Variants in SORBS2 observed in about 807,000 individuals in gnomAD.
The protein encoded by SORBS2 is sorbin and SH3 domain-containing protein 2.
A neutral mutation model predicts 97.7 loss-of-function variants in SORBS2; 46 were observed. That is an observed-to-expected ratio of 0.47 (90% confidence interval 0.37 to 0.60). The LOEUF (loss-of-function observed/expected upper bound fraction) is 0.60. SORBS2 is among the 20% of genes least tolerant of loss of function. The probability of loss-of-function intolerance (pLI) is 0.00; values close to 1 mark genes in which losing one functional copy is unlikely to be tolerated. For missense variants in SORBS2, 1,316 were observed against 1,282.3 expected (o/e 1.03, Z -0.40); for synonymous variants, 476 against 473.4 (o/e 1.01, Z -0.07).
intron 2 of SORBS2, among the ~76,000 whole-genome samples, chr4:185,697,374 C>G (rs943963445): frequency 6.6e-6 from 1 of 152,178 alleles, no homozygotes; most frequent in Non-Finnish European, 1.5e-5. Flanking sequence ...TTGTCCCACA[C>G]CCAGCTTAGC....
chr4:185,933,999 CAA>C (rs2099267703), intron 1 of SORBS2, among the ~76,000 whole-genome samples: 2 of 152,144 alleles, frequency 1.3e-5, no homozygotes, highest in South Asian at 4.1e-4. Flanking sequence ...TGTTCTCAAT[CAA>C]AAGTCTTTCC....
At chr4:185,782,228 G>C (rs1056682475) in intron 1 of SORBS2, among the ~76,000 whole-genome samples, 1 of 152,232 alleles carries the variant, frequency 6.6e-6, no homozygotes, top group African/African-American at 2.4e-5. Context: ...TTAAGCAGCT[G>C]TTTCCAACCA....
chr4:185,639,553 C>T (rs1212834626), intron 4 of SORBS2, among the ~76,000 whole-genome samples: 1 of 152,140 alleles, frequency 6.6e-6, no homozygotes, highest in Non-Finnish European at 1.5e-5. Flanking sequence ...TCAAATAATA[C>T]ATGGCTGACT....
chr4:185,682,734 G>GGCCGGGC, intron 2 of SORBS2, among the ~76,000 whole-genome samples: 1 of 152,148 alleles, frequency 6.6e-6, no homozygotes, highest in African/African-American at 2.4e-5. Flanking sequence ...AAGGGGGCCA[G>GGCCGGGC]GTGTAGTGGC....
chr4:185,700,122 T>G (rs2098239005), intron 2 of SORBS2, among the ~76,000 whole-genome samples: 1 of 152,198 alleles, frequency 6.6e-6, no homozygotes, highest in Non-Finnish European at 1.5e-5. Flanking sequence ...TAAACTAAAT[T>G]TCATGATTAG....
At chr4:185,806,260 T>C (rs2099152958) in intron 1 of SORBS2, among the ~76,000 whole-genome samples, 1 of 152,136 alleles carries the variant, frequency 6.6e-6, no homozygotes, top group Non-Finnish European at 1.5e-5. Context: ...GGGACTTCTG[T>C]TTAGAGGAGA....
intron 1 of SORBS2, among the ~76,000 whole-genome samples, chr4:185,878,067 T>G (rs944030548): frequency 6.6e-6 from 1 of 152,054 alleles, no homozygotes; most frequent in African/African-American, 2.4e-5. Flanking sequence ...GTACATATGA[T>G]TAAGGTAAAA....
At chr4:185,745,293 A>G (rs1423850403) in intron 2 of SORBS2, among the ~76,000 whole-genome samples, 1 of 152,188 alleles carries the variant, frequency 6.6e-6, no homozygotes, top group Admixed American at 6.5e-5. Context: ...CAACCTGAAC[A>G]TGGCCAGTAA....
chr4:185,754,664 A>G (rs750892475), intron 2 of SORBS2, among the ~76,000 whole-genome samples: 1 of 152,200 alleles, frequency 6.6e-6, no homozygotes, highest in Non-Finnish European at 1.5e-5. Flanking sequence ...TAACAATGGA[A>G]AATGGAATAT....
intron 3 of SORBS2, among the ~76,000 whole-genome samples, chr4:185,648,685 A>T (rs544137767): frequency 6.6e-6 from 1 of 152,306 alleles, no homozygotes; most frequent in African/African-American, 2.4e-5. Context: ...CTTGGGTTTA[A>T]TCAGAGCTGA....
chr4:185,678,441 A>G (rs1217743658), exon 4 of SORBS2: 2 of 1,550,370 alleles, frequency 1.3e-6, no homozygotes, highest in Non-Finnish European at 1.7e-6. Context: ...GTGATCTTTT[A>G]TCTTGTAGGT....
intron 1 of SORBS2, chr4:185,894,386 A>G (rs1009544182): frequency 1.9e-4 from 29 of 152,172 alleles, no homozygotes; most frequent in Non-Finnish European, 1.5e-5. Context: ...TCAGAAGTAA[A>G]AAAAAAAATA....
intron 2 of SORBS2, among the ~76,000 whole-genome samples, chr4:185,756,784 A>T (rs949049230): frequency 4.0e-5 from 6 of 150,674 alleles, no homozygotes; most frequent in African/African-American, 1.5e-4. Flanking sequence ...TTTCTGAACA[A>T]ATGATCCTTT....
intron 5 of SORBS2, among the ~76,000 whole-genome samples, chr4:185,630,048 T>A (rs114385606): frequency 1.2e-3 from 180 of 152,264 alleles, no homozygotes; most frequent in African/African-American, 4.0e-3. Context: ...TCCTCAGAGA[T>A]AAAGTGGGGA....
chr4:185,892,565 A>G (rs777350073), intron 1 of SORBS2, among the ~76,000 whole-genome samples: 11 of 152,216 alleles, frequency 7.2e-5, no homozygotes, highest in Non-Finnish European at 7.3e-5. Flanking sequence ...TGGTGCATAC[A>G]TATCGCAGAA....
In SORBS2 at chr4:185,662,211, C is replaced by T. The variant is rs75709986; in HGVS notation, c.-14G>A. ...ATAGTAACTCATGGGACTCACGGCA[C>T]CTCCTGAGTTTCCATTCACTGTTAT... On this transcript the variant is annotated 5_prime_UTR_variant, in exon 5 of 21. Transcript: ENST00000284776. 4.7e-4 allele frequency: 763 copies of T among 1,612,752 alleles called. 5 individuals are homozygous for T. In the African/African-American group the frequency reaches 9.3e-3, roughly 20 times the overall value.
At chr4:185,663,190 A>G (rs1260600356) in intron 4 of SORBS2, among the ~76,000 whole-genome samples, 7 of 152,248 alleles carry the variant, frequency 4.6e-5, no homozygotes, top group African/African-American at 1.7e-4. Context: ...ACGTTTAGTT[A>G]AAATTATAGC....
At chr4:185,903,540 G>C (rs1324829658) in intron 1 of SORBS2, among the ~76,000 whole-genome samples, 2 of 152,166 alleles carry the variant, frequency 1.3e-5, no homozygotes, top group Non-Finnish European at 2.9e-5. Context: ...CCCTCAAAAA[G>C]AGGGGTCCCT....
chr4:185,847,433 A>G (rs1032145550), intron 1 of SORBS2, among the ~76,000 whole-genome samples: 1 of 152,156 alleles, frequency 6.6e-6, no homozygotes, highest in African/African-American at 2.4e-5. Context: ...TGCCAGGACC[A>G]GAAAATCAAG....
Sources: gnomAD v4.1 joint callset for allele counts (sites outside exome capture counted in the v4.1 genomes callset) on GRCh38, gnomAD v4.1.1 for gene constraint, MANE v1.5 for transcripts, NCBI Gene and HGNC (gene_info 2026-07-23, HGNC 2026-07-21) for gene names.